Variants in ARHGAP35 observed in about 807,000 individuals in gnomAD.
The protein encoded by ARHGAP35 is Rho GTPase activating protein 35.
ARHGAP35 carries 15 observed loss-of-function variants against 111.1 expected under a neutral mutation model. That is an observed-to-expected ratio of 0.13 (90% confidence interval 0.09 to 0.21). ARHGAP35 has a LOEUF of 0.21. Among genes scored for constraint, ARHGAP35 ranks in the 10% least tolerant of loss-of-function variants. The probability of loss-of-function intolerance (pLI) is 1.00; values close to 1 mark genes in which losing one functional copy is unlikely to be tolerated. For missense variants in ARHGAP35, 1,262 were observed against 1,873.0 expected (o/e 0.67, Z 6.02); for synonymous variants, 643 against 710.3 (o/e 0.91, Z 1.51).
At chr19:46,990,352 G>A (rs2056673369) in intron 5 of ARHGAP35, among the ~76,000 whole-genome samples, 1 of 152,242 alleles carries the variant, frequency 6.6e-6, no homozygotes, top group South Asian at 2.1e-4. Flanking sequence ...AGATGGGCGA[G>A]CCTTCTCACT....
At position 46,922,280 on chromosome 19, in the gene ARHGAP35, A is replaced by G. The variant is rs2056207431; in HGVS notation, c.3605A>G (p.Asn1202Ser). Residue 1202 changes from asparagine to serine, a missense_variant, in exon 2 of 7, where the codon AAT (asparagine) becomes AGT (serine). Asn to Ser is a conservative substitution (Grantham distance 46, BLOSUM62 1). Transcript: ENST00000672722. This position sits in a 1 kb window ranked among gnomAD's most constrained non-coding sequence, Gnocchi z 4.0. The part of the protein sequence containing the change: ...DQASQGYKGD[N>S]AVIPYETDED... ...GCATCCCAGGGTTATAAAGGGGACA[A>G]TGCTGTCATTCCATACGAAACAGAC... The G allele has an allele frequency of 1.9e-6, 3 of 1,613,958 alleles. No homozygotes were observed. Among genetic ancestry groups the G allele is most frequent in the South Asian group, 1.1e-5 (1 of 91,070 alleles).
Position 47,000,377 on chromosome 19 carries a change from T to TC in ARHGAP35, c.4191dup (p.Ile1398HisfsTer11). ...GAATCTCATGACCAGCGAGAACCTCTCCATCTGCTTCTGGCCCACCTTGAT... is the reference window on the plus strand; with the variant it reads ...GAATCTCATGACCAGCGAGAACCTCTCCCATCTGCTTCTGGCCCACCTTGAT... On this transcript the variant is annotated frameshift_variant, in exon 7 of 7. Coordinates refer to ENST00000672722, the MANE Select transcript of ARHGAP35 (RefSeq NM_004491.5). LOFTEE classifies it high-confidence loss of function. This position sits in a 1 kb window ranked among gnomAD's most constrained non-coding sequence, Gnocchi z 6.9. 6.2e-7 allele frequency: 1 copy of TC among 1,613,742 alleles called. No homozygotes were observed. Among genetic ancestry groups the TC allele is most frequent in the South Asian group, 1.1e-5 (1 of 91,062 alleles).
At position 46,889,705 on chromosome 19, in the gene ARHGAP35, C is replaced by T. The variant is rs1271535030; in HGVS notation, c.-189+28496C>T. Reference sequence around the variant, plus strand: ...TTCGGAGCTTGCAGTGAGCCGAGATCCCGCCACTGCACTCCAGCCTGGGCG... The same window carrying T: ...TTCGGAGCTTGCAGTGAGCCGAGATTCCGCCACTGCACTCCAGCCTGGGCG... On this transcript the variant is annotated intron_variant, in intron 1 of 6. Transcript: ENST00000672722. 6.7e-5 allele frequency among the ~76,000 whole-genome samples: 10 copies of T among 149,970 alleles called. No homozygotes were observed. The South Asian group carries it at 1.1e-3, about 16-fold the overall frequency.
chr19:46,918,551 T>A lies in ARHGAP35; in HGVS notation c.-125T>A. 1 of 888,192 alleles carries A rather than the reference T, an allele frequency of 1.1e-6. No homozygotes were observed. Among genetic ancestry groups the A allele is most frequent in the Non-Finnish European group, 1.8e-6 (1 of 563,334 alleles). The allele number at this position is 888,192 out of a possible 1,614,324, so 55.0% of individuals were successfully genotyped here. On this transcript the variant is annotated 5_prime_UTR_variant, in exon 2 of 7. Coordinates refer to ENST00000672722, the MANE Select transcript of ARHGAP35 (RefSeq NM_004491.5). The surrounding 1 kb of genome is among the most constrained non-coding windows in gnomAD (Gnocchi z 5.4). Reference sequence around the variant, plus strand: ...CAGTGACCATACTGGTATACAACACTATGGGACCTGGCATTTTTGCTGCAT... The same window carrying A: ...CAGTGACCATACTGGTATACAACACAATGGGACCTGGCATTTTTGCTGCAT...
In ARHGAP35 at chr19:47,000,246, C is replaced by T; in HGVS notation, c.4143-85C>T. ...CCACCTGAGGGAAGAAAGGTGGGCT[C>T]AGCCTGGGTGCTGAAGACCATGAGC... On this transcript the variant is annotated intron_variant, in intron 6 of 6. Coordinates refer to ENST00000672722, the MANE Select transcript of ARHGAP35 (RefSeq NM_004491.5). This position sits in a 1 kb window ranked among gnomAD's most constrained non-coding sequence, Gnocchi z 6.9. 1.4e-6 allele frequency: 2 copies of T among 1,408,556 alleles called. No homozygotes were observed. The highest frequency in any genetic ancestry group is 2.6e-5 in the South Asian group (2 of 75,918). 87.3% of individuals were successfully genotyped at this position (1,408,556 alleles called of 1,614,324 possible).
At chr19:46,888,429 C>T (rs936316848) in intron 1 of ARHGAP35, among the ~76,000 whole-genome samples, 3 of 148,462 alleles carry the variant, frequency 2.0e-5, no homozygotes, top group African/African-American at 7.5e-5. Flanking sequence ...CAGCTTCCCT[C>T]ATGCCCTTGG....
At position 46,920,528 on chromosome 19, in the gene ARHGAP35, C is replaced by T. The variant is rs1445271004; in HGVS notation, c.1853C>T (p.Ala618Val). The part of the protein sequence containing the change: ...LARELANEIR[A>V]LCTNDDKYVI... ...CGAGAGTTGGCCAATGAGATTCGAGCTCTTTGTACAAATGATGACAAGTAT... is the reference window on the plus strand; with the variant it reads ...CGAGAGTTGGCCAATGAGATTCGAGTTCTTTGTACAAATGATGACAAGTAT... The change falls in exon 2 of 7, where the codon GCT becomes GTT. Residue 618 changes from alanine (A) to valine (V), a missense_variant. Ala to Val is a moderately conservative substitution (Grantham distance 64). Coordinates refer to ENST00000672722, the MANE Select transcript of ARHGAP35 (RefSeq NM_004491.5). This position sits in a 1 kb window ranked among gnomAD's most constrained non-coding sequence, Gnocchi z 7.0. 1.2e-6 allele frequency: 2 copies of T among 1,613,872 alleles called. No homozygotes were observed. Among genetic ancestry groups the T allele is most frequent in the Non-Finnish European group, 8.5e-7 (1 of 1,179,872 alleles).
At chr19:46,930,904 G>A (rs2056269157) in intron 2 of ARHGAP35, among the ~76,000 whole-genome samples, 1 of 151,902 alleles carries the variant, frequency 6.6e-6, no homozygotes, top group South Asian at 2.1e-4. Context: ...TTTGTTATGT[G>A]GCCTTGGGGT....
At position 46,988,356 on chromosome 19, in the gene ARHGAP35, C is replaced by T. The variant is rs2056662390; in HGVS notation, c.3904+290C>T. ...TTGCCCGGGCACATGCCTCCCTCACCACACTGAAGAGCTTTGCCTGTTTTC... is the reference window on the plus strand; with the variant it reads ...TTGCCCGGGCACATGCCTCCCTCACTACACTGAAGAGCTTTGCCTGTTTTC... On this transcript the variant is annotated intron_variant, in intron 4 of 6. Coordinates refer to ENST00000672722, the MANE Select transcript of ARHGAP35 (RefSeq NM_004491.5). The surrounding 1 kb of genome is among the most constrained non-coding windows in gnomAD (Gnocchi z 5.4). 7.5e-6 allele frequency: 3 copies of T among 399,692 alleles called. No homozygotes were observed. Among genetic ancestry groups the T allele is most frequent in the South Asian group, 7.2e-5 (3 of 41,892 alleles). The allele number at this position is 399,692 out of a possible 1,614,324, so 24.8% of individuals were successfully genotyped here. A position where few individuals can be genotyped will look rare whatever the true frequency, so the allele number is the denominator to read the frequency against.
At chr19:46,956,033 G>A (rs555441515) in intron 3 of ARHGAP35, among the ~76,000 whole-genome samples, 31 of 152,234 alleles carry the variant, frequency 2.0e-4, no homozygotes, top group Middle Eastern at 3.4e-3. Context: ...TTTCATGCAC[G>A]AGGCCAGGGC....
intron 3 of ARHGAP35, among the ~76,000 whole-genome samples, chr19:46,974,208 G>A (rs2056567669): frequency 6.6e-6 from 1 of 152,178 alleles, no homozygotes; most frequent in Non-Finnish European, 1.5e-5. Context: ...ACACCACTGG[G>A]TGTCTGTCTA....
chr19:46,913,620 G>T (rs918263521), intron 1 of ARHGAP35, among the ~76,000 whole-genome samples: 5 of 152,138 alleles, frequency 3.3e-5, no homozygotes, highest in Admixed American at 6.6e-5. Flanking sequence ...TTGTGACTGA[G>T]AAACCAAAAT....
chr19:46,965,470 G>A (rs376955180), intron 3 of ARHGAP35, among the ~76,000 whole-genome samples: 1 of 60,730 alleles, frequency 1.6e-5, no homozygotes, highest in African/African-American at 7.2e-5. Context: ...TGGGTTTTTT[G>A]TTTGTTTGTT....
chr19:46,887,700 T>C (rs2055999222), intron 1 of ARHGAP35, among the ~76,000 whole-genome samples: 1 of 152,136 alleles, frequency 6.6e-6, no homozygotes, highest in Admixed American at 6.5e-5. Context: ...AAATCCATGC[T>C]TCTGGGCCGT....
Position 46,918,872 on chromosome 19 carries a change from G to T in ARHGAP35, c.197G>T (p.Arg66Leu). The change falls in exon 2 of 7, where the codon CGA (arginine) becomes CTA (leucine). Residue 66 changes from arginine to leucine, a missense_variant. Around this residue, in one of 8 missense-constraint regions of ARHGAP35, gnomAD observed 125 missense variants for 301.7 expected, o/e 0.41. Coordinates refer to ENST00000672722, the MANE Select transcript of ARHGAP35 (RefSeq NM_004491.5). This position sits in a 1 kb window ranked among gnomAD's most constrained non-coding sequence, Gnocchi z 5.4. ...SVLSTSDFGGRVVNNDHFLYW... is the reference protein window; with the variant it reads ...SVLSTSDFGGLVVNNDHFLYW... ...CTCAGCACCAGTGACTTTGGAGGGC[G>T]AGTGGTCAATAATGACCACTTTCTC... 1 of 1,613,950 alleles carries T rather than the reference G, an allele frequency of 6.2e-7. No homozygotes were observed.
intron 3 of ARHGAP35, among the ~76,000 whole-genome samples, chr19:46,987,278 C>T (rs1026570372): frequency 3.2e-4 from 46 of 145,244 alleles, no homozygotes; most frequent in African/African-American, 1.2e-3. Context: ...TGCAGTGACG[C>T]AATCTCAGCT....
At chr19:46,894,040 T>C (rs1325322884) in intron 1 of ARHGAP35, among the ~76,000 whole-genome samples, 1 of 152,158 alleles carries the variant, frequency 6.6e-6, no homozygotes, top group Non-Finnish European at 1.5e-5. Flanking sequence ...CAGTTGTTCT[T>C]GAAGTGGTTC....
chr19:46,952,782 G>C (rs2056420004), intron 3 of ARHGAP35, among the ~76,000 whole-genome samples: 1 of 152,186 alleles, frequency 6.6e-6, no homozygotes, highest in Non-Finnish European at 1.5e-5. Flanking sequence ...GGTCTCAGGT[G>C]ATCCTCCTAA....
At chr19:46,963,519 C>T (rs1416850966) in intron 3 of ARHGAP35, among the ~76,000 whole-genome samples, 2 of 152,202 alleles carry the variant, frequency 1.3e-5, no homozygotes, top group Admixed American at 6.5e-5. Flanking sequence ...CATCTGAAAG[C>T]GTGCCTCTTC....
Sources: allele counts gnomAD v4.1 joint callset (sites outside exome capture counted in the v4.1 genomes callset), GRCh38; gene constraint gnomAD v4.1.1; regional missense constraint gnomAD v4.1.1; non-coding constraint Gnocchi (gnomAD v3.1); transcripts MANE v1.5; gene names NCBI Gene and HGNC (gene_info 2026-07-23, HGNC 2026-07-21).